TNRC18: variants seen among roughly 807,000 people sequenced by gnomAD.
The protein encoded by TNRC18 is trinucleotide repeat containing 18, also known as trinucleotide repeat-containing gene 18 protein.
TNRC18 carries 69 observed loss-of-function variants against 226.7 expected under a neutral mutation model. That is an observed-to-expected ratio of 0.30 (90% CI 0.25 to 0.37). The LOEUF (loss-of-function observed/expected upper bound fraction) is 0.37, where lower values mean the gene tolerates loss of function less well. Ranked by LOEUF, TNRC18 falls within the 10% of genes least tolerant of loss-of-function variation. The pLI is 1.00. For missense variants in TNRC18, 4,754 were observed against 4,256.6 expected (o/e 1.12, Z -3.25); for synonymous variants, 2,449 against 1,927.6 (o/e 1.27, Z -7.09).
At chr7:5,347,002 C>T (rs532074736) in intron 17 of TNRC18, among the ~76,000 whole-genome samples, 3 of 151,994 alleles carry the variant, frequency 2.0e-5, no homozygotes, top group South Asian at 2.1e-4. Flanking sequence ...GTTAAGCACT[C>T]GGGCAGTAGA....
At chr7:5,395,852 C>T (rs1450086583) in intron 2 of TNRC18, among the ~76,000 whole-genome samples, 2 of 152,298 alleles carry the variant, frequency 1.3e-5, no homozygotes, top group East Asian at 3.9e-4. Flanking sequence ...AAAAAATTAG[C>T]TGGATGTGGT....
intron 2 of TNRC18, among the ~76,000 whole-genome samples, chr7:5,401,903 T>G (rs534229640): frequency 1.3e-5 from 2 of 151,936 alleles, no homozygotes; most frequent in Non-Finnish European, 1.5e-5. Flanking sequence ...TGGCCGGGCG[T>G]GGTGGCTCAC....
At chr7:5,351,763 G>T (rs746514425) in intron 17 of TNRC18, 56 bp downstream of exon 17, 1 of 1,498,224 alleles carries the variant, frequency 6.7e-7, no homozygotes, top group East Asian at 2.3e-5. Flanking sequence ...TCGCTCACTC[G>T]CACGCACTCT....
intron 19 of TNRC18, among the ~76,000 whole-genome samples, chr7:5,326,297 T>A (rs1425445927): frequency 6.6e-6 from 1 of 152,030 alleles, no homozygotes; most frequent in Non-Finnish European, 1.5e-5. Context: ...CTTTGCAACG[T>A]TTCCCCTCAA....
chr7:5,423,363 CG>C (rs1782689223), intron 1 of TNRC18, 77 bp downstream of exon 1: 1 of 152,190 alleles, frequency 6.6e-6, no homozygotes, highest in Non-Finnish European at 1.5e-5. Context: ...GAGGGGCAGG[CG>C]TGGTTGGGGG....
At chr7:5,310,425 G>A (rs1382988846) in intron 27 of TNRC18, among the ~76,000 whole-genome samples, 5 of 151,164 alleles carry the variant, frequency 3.3e-5, no homozygotes, top group Non-Finnish European at 7.4e-5. Context: ...TAGTAGAGAC[G>A]GGGTTTCACC....
chr7:5,368,216 C>T (rs1301446337), intron 11 of TNRC18, among the ~76,000 whole-genome samples: 2 of 151,766 alleles, frequency 1.3e-5, no homozygotes, highest in Non-Finnish European at 2.9e-5. Context: ...CTTGTAATCC[C>T]AGCAATTTGG....
In TNRC18 at chr7:5,309,389, C is replaced by T. The variant is rs762354283; in HGVS notation, c.8389-21G>A. 5 of 1,586,402 alleles carry T rather than the reference C, an allele frequency of 3.2e-6. No homozygotes were observed. The highest frequency in any genetic ancestry group is 1.8e-4 in the Middle Eastern group (1 of 5,486). ...CGCCGCTGCAAGGACACGTGTGTCA[C>T]GGCACAGGCCCTGGCCCAGCCCCAA... On this transcript the variant is annotated intron_variant, in intron 27 of 29. Coordinates refer to ENST00000430969, the MANE Select transcript of TNRC18 (RefSeq NM_001080495.3). The surrounding 1 kb of genome is among the most constrained non-coding windows in gnomAD (Gnocchi z 5.7).
chr7:5,373,508 AG>A (rs1794352773), intron 10 of TNRC18, among the ~76,000 whole-genome samples: 1 of 152,186 alleles, frequency 6.6e-6, no homozygotes, highest in African/African-American at 2.4e-5. Flanking sequence ...CACTGGCCCA[AG>A]CTCACCCAGC....
chr7:5,351,095 G>A (rs1791754470), intron 17 of TNRC18, among the ~76,000 whole-genome samples: 1 of 152,110 alleles, frequency 6.6e-6, no homozygotes, highest in Non-Finnish European at 1.5e-5. Flanking sequence ...TTTTAAACCT[G>A]AAAAATGAAA....
intron 2 of TNRC18, among the ~76,000 whole-genome samples, chr7:5,402,189 A>G (rs1781151346): frequency 6.6e-6 from 1 of 150,578 alleles, no homozygotes; most frequent in Non-Finnish European, 1.5e-5. Context: ...AAAAAAAAAA[A>G]AAAAAAAAAA....
intron 5 of TNRC18, among the ~76,000 whole-genome samples, chr7:5,378,241 G>A (rs575050729): frequency 6.6e-6 from 1 of 151,916 alleles, no homozygotes; most frequent in East Asian, 1.9e-4. Flanking sequence ...TCATCCATCC[G>A]CTCTGTCATC....
At chr7:5,373,333 AG>A (rs1269084734) in intron 10 of TNRC18, among the ~76,000 whole-genome samples, 2 of 152,202 alleles carry the variant, frequency 1.3e-5, no homozygotes, top group African/African-American at 4.8e-5. Context: ...CTCAAAAAAA[AG>A]AAAAGGAATA....
chr7:5,388,217 T>TCGGCGCGGCTGTGGTGGTG lies in TNRC18; in HGVS notation c.1588_1606dup (p.Glu536AlafsTer42). The TCGGCGCGGCTGTGGTGGTG allele has an allele frequency of 6.2e-7, 1 of 1,600,148 alleles. No individual in the cohort carries two copies. The highest frequency in any genetic ancestry group is 8.5e-7 in the Non-Finnish European group (1 of 1,174,648). On this transcript the variant is annotated frameshift_variant, in exon 5 of 30. Transcript: ENST00000430969. LOFTEE classifies it high-confidence loss of function. ...GGCAGCGACCACGGCGGCCTCCTCT[T>TCGGCGCGGCTGTGGTGGTG]CGGCGCGGCTGTGGTGGTGCTGCGC...
chr7:5,390,137 G>A (rs1780178929), intron 4 of TNRC18: 1 of 430,872 alleles, frequency 2.3e-6, no homozygotes, highest in Middle Eastern at 5.9e-4. Flanking sequence ...GCCGAGGTAG[G>A]AGGATTGCTT....
chr7:5,370,597 G>A lies in TNRC18; in HGVS notation c.3997C>T (p.Pro1333Ser), dbSNP rs777638464. The change falls in exon 11 of 30, where the codon CCC (proline) becomes TCC (serine). Residue 1333 changes from proline (P) to serine (S), a missense_variant. Physicochemically the swap from Pro to Ser is moderately conservative, Grantham distance 74. Coordinates refer to ENST00000430969, the MANE Select transcript of TNRC18 (RefSeq NM_001080495.3). ...LEEASSDQFL[P>S]SLEDPLAGMN... is the part of the protein sequence containing the mutation. ...CCAGCCAGTGGGTCCTCCAGACTGG[G>A]CAGGAACTGGTCAGAGCTTGCCTCT... The A allele has an allele frequency of 6.2e-7, 1 of 1,613,324 alleles. No individual in the cohort carries two copies. The highest frequency in any genetic ancestry group is 8.5e-7 in the Non-Finnish European group (1 of 1,179,756).
At position 5,308,293 on chromosome 7, in the gene TNRC18, G is replaced by A. The variant is rs1255593928; in HGVS notation, c.8720C>T (p.Ser2907Leu). Residue 2907 changes from serine (S) to leucine (L), a missense_variant, in exon 30 of 30, where the codon TCG becomes TTG. Coordinates refer to ENST00000430969, the MANE Select transcript of TNRC18 (RefSeq NM_001080495.3). ...CTGCACGTCATTTTCGTCCACATGC[G>A]AGGACTGGTATAGCGCGCGCTGCGG... ...DFMERALYQSSHVDENDVQTV... is the reference protein window; with the variant it reads ...DFMERALYQSLHVDENDVQTV... The A allele has an allele frequency of 1.4e-5, 22 of 1,612,444 alleles. No homozygotes were observed. Among genetic ancestry groups the A allele is most frequent in the South Asian group, 2.2e-5 (2 of 90,774 alleles).
chr7:5,419,315 C>T (rs1262653972), intron 2 of TNRC18, among the ~76,000 whole-genome samples: 1 of 152,218 alleles, frequency 6.6e-6, no homozygotes, highest in African/African-American at 2.4e-5. Context: ...AGATCGCAGG[C>T]GGGGAGTGCG....
chr7:5,397,653 G>A (rs1780789913), intron 2 of TNRC18, among the ~76,000 whole-genome samples: 1 of 152,158 alleles, frequency 6.6e-6, no homozygotes, highest in Non-Finnish European at 1.5e-5. Context: ...CACGTCAGGA[G>A]CCTGCCCCTT....
Sources: allele counts gnomAD v4.1 joint callset (sites outside exome capture counted in the v4.1 genomes callset), GRCh38; gene constraint gnomAD v4.1.1; non-coding constraint Gnocchi (gnomAD v3.1); transcripts MANE v1.5; gene names NCBI Gene and HGNC (gene_info 2026-07-23, HGNC 2026-07-21).